Variants in EXOC4 observed in about 807,000 individuals in gnomAD.
EXOC4 encodes the protein SEC8-like 1.
In EXOC4, 71 loss-of-function variants were observed where a neutral mutation model predicts 107.2. That is an observed-to-expected ratio of 0.66 (90% CI 0.55 to 0.81). The LOEUF is 0.81. Ranked by LOEUF, EXOC4 falls within the 30% of genes least tolerant of loss-of-function variation. The pLI is 0.00. For missense variants in EXOC4, 1,108 were observed against 1,189.6 expected (o/e 0.93, Z 1.01); for synonymous variants, 456 against 441.2 (o/e 1.03, Z -0.42).
At chr7:133,941,821 T>TTCTCTCTCTCTCTATCTCTC (rs1800435639) in intron 14 of EXOC4, among the ~76,000 whole-genome samples, 1 of 129,544 alleles carries the variant, frequency 7.7e-6, no homozygotes, top group Non-Finnish European at 1.7e-5. Context: ...TGCTTACAGA[T>TTCTCTCTCTCTCTATCTCTC]TCTCTCTCTC....
chr7:133,266,152 C>T (rs1793726654), intron 1 of EXOC4, among the ~76,000 whole-genome samples: 1 of 152,212 alleles, frequency 6.6e-6, no homozygotes, highest in East Asian at 1.9e-4. Context: ...AAGCCTCTCA[C>T]TCTGCTTGTA....
At chr7:133,855,332 G>GGT (rs2116294426) in intron 11 of EXOC4, among the ~76,000 whole-genome samples, 1 of 150,956 alleles carries the variant, frequency 6.6e-6, no homozygotes, top group Admixed American at 6.6e-5. Flanking sequence ...TTCCACAGCA[G>GGT]ATTTCAACTG....
intron 17 of EXOC4, 194 bp downstream of exon 17, chr7:134,008,029 A>T (rs142819445): frequency 5.6e-6 from 3 of 537,994 alleles, no homozygotes; most frequent in South Asian, 3.2e-5. Context: ...ACTTTGGCAG[A>T]TAGTTTTTCC....
At chr7:133,620,080 C>T (rs1042994952) in intron 9 of EXOC4, among the ~76,000 whole-genome samples, 13 of 151,640 alleles carry the variant, frequency 8.6e-5, no homozygotes, top group African/African-American at 2.9e-4. Flanking sequence ...TGGAGTGCAG[C>T]GGCCTAATCT....
intron 13 of EXOC4, among the ~76,000 whole-genome samples, chr7:133,924,627 T>G (rs1176031499): frequency 1.3e-5 from 2 of 152,238 alleles, no homozygotes; most frequent in African/African-American, 4.8e-5. Context: ...AAGTGTAATC[T>G]TAAGTGTATA....
chr7:133,816,979 T>G (rs1797386403), intron 10 of EXOC4, among the ~76,000 whole-genome samples: 1 of 152,220 alleles, frequency 6.6e-6, no homozygotes, highest in South Asian at 2.1e-4. Flanking sequence ...AAATATGTAC[T>G]CTTCGGGGAT....
rs548709187 is a variant in EXOC4 at position 134,019,063 on chromosome 7, G to T, written c.2687+11228G>T. Among the ~76,000 whole-genome samples, 5 of 152,090 alleles carry T rather than the reference G, an allele frequency of 3.3e-5. No individual in the cohort carries two copies. The South Asian group carries it at 1.0e-3, about 32-fold the overall frequency. On this transcript the variant is annotated intron_variant, in intron 17 of 17. Coordinates refer to ENST00000253861, the MANE Select transcript of EXOC4 (RefSeq NM_021807.4). ...TCCTGCCTCAGCCTCCTGAGTAGCT[G>T]GGATTAAAGGCACGCGCCACTACAC...
the EXOC4 span, among the ~76,000 whole-genome samples, chr7:134,073,230 A>AAAAAAAAAAAAAAAAAC: frequency 3.3e-4 from 6 of 18,428 alleles, no homozygotes; most frequent in African/African-American, 1.3e-3. Context: ...AAAAAAAAAA[A>AAAAAAAAAAAAAAAAAC]AACAACAAAG....
chr7:133,537,812 TTCAAATATATCAGTGC>T (rs1468746264), intron 9 of EXOC4, among the ~76,000 whole-genome samples: 12 of 152,228 alleles, frequency 7.9e-5, no homozygotes. Flanking sequence ...TATTCCATTT[TTCAAATATATCAGTGC>T]TCAAGTGTCA....
At chr7:134,079,806 A>G in the EXOC4 span, among the ~76,000 whole-genome samples, 2 of 152,184 alleles carry the variant, frequency 1.3e-5, no homozygotes, top group East Asian at 3.9e-4. Flanking sequence ...GGAAACTTCA[A>G]TGCAAATTTG....
At chr7:133,671,244 G>A (rs1462243582) in intron 10 of EXOC4, among the ~76,000 whole-genome samples, 3 of 150,372 alleles carry the variant, frequency 2.0e-5, no homozygotes, top group Non-Finnish European at 4.5e-5. Context: ...CTAGAGGGCT[G>A]TCATAATCTG....
rs187960735 is a variant in EXOC4 at position 133,972,166 on chromosome 7, A to G, written c.2207-25326A>G. Among the ~76,000 whole-genome samples the G allele has an allele frequency of 3.8e-3, 579 of 152,378 alleles. 6 individuals carry two copies. Among genetic ancestry groups the G allele is most frequent in the Non-Finnish European group, 5.3e-3 (362 of 68,038 alleles). On this transcript the variant is annotated intron_variant, in intron 14 of 17. Transcript: ENST00000253861. ...ATGTAAAAACTGAAGTATAAAAGGT[A>G]TGAACCATCTTTAACCAATGAGAGA...
chr7:133,645,985 A>C (rs1197714733), intron 10 of EXOC4, among the ~76,000 whole-genome samples: 1 of 152,124 alleles, frequency 6.6e-6, no homozygotes, highest in Non-Finnish European at 1.5e-5. Flanking sequence ...ATAGTCTGTA[A>C]ACTCCTTAAG....
At chr7:133,744,168 T>C (rs1795627086) in intron 10 of EXOC4, among the ~76,000 whole-genome samples, 1 of 152,018 alleles carries the variant, frequency 6.6e-6, no homozygotes, top group Admixed American at 6.6e-5. Flanking sequence ...AATTAGATCT[T>C]GTTAAATGTT....
At chr7:134,025,886 A>C (rs1431776799) in intron 17 of EXOC4, among the ~76,000 whole-genome samples, 1 of 152,190 alleles carries the variant, frequency 6.6e-6, no homozygotes, top group Non-Finnish European at 1.5e-5. Context: ...GATTTAATGT[A>C]GGAGAGGACT....
At chr7:133,504,187 C>T (rs1799626899) in intron 9 of EXOC4, among the ~76,000 whole-genome samples, 1 of 151,892 alleles carries the variant, frequency 6.6e-6, no homozygotes, top group South Asian at 2.1e-4. Flanking sequence ...TATTTAAATG[C>T]TTAGTAACAT....
chr7:133,398,533 T>C (rs1460589454), intron 7 of EXOC4, among the ~76,000 whole-genome samples: 2 of 152,220 alleles, frequency 1.3e-5, no homozygotes, highest in Non-Finnish European at 2.9e-5. Context: ...CTTTATTCAG[T>C]TGTATTGAAT....
chr7:133,859,358 T>C lies in EXOC4; in HGVS notation c.1735-36241T>C, dbSNP rs187117639. Among the ~76,000 whole-genome samples, 4 of 152,272 alleles carry C rather than the reference T, an allele frequency of 2.6e-5. No individual in the cohort carries two copies. The East Asian group carries it at 5.8e-4, about 22-fold the overall frequency. On this transcript the variant is annotated intron_variant, in intron 11 of 17. Transcript: ENST00000253861. ...ATGACAACCATCTAAAGACGAATTA[T>C]CTCCTTGCAAAGTTAATTTCTGTTT...
rs532407295 is a variant in EXOC4 at position 133,997,512 on chromosome 7, A to G, written c.2227A>G (p.Ser743Gly). 2.5e-5 allele frequency: 41 copies of G among 1,613,708 alleles called. No individual in the cohort carries two copies. The highest frequency in any genetic ancestry group is 3.3e-5 in the South Asian group (3 of 91,072). ...TSQMLSPAQD[S>G]HTNTDLPPVS... ...TTCAGTGCTTTCTCCTGCTCAAGAC[A>G]GCCACACGAACACGGATCTCCCCCC... is the stretch of plus-strand genomic sequence containing the variant. The change falls in exon 15 of 18, where the codon AGC (serine) becomes GGC (glycine). Residue 743 changes from serine to glycine, a missense_variant. Physicochemically the swap from Ser to Gly is moderately conservative, Grantham distance 56. Transcript: ENST00000253861.
Sources: gnomAD v4.1 joint callset for allele counts (sites outside exome capture counted in the v4.1 genomes callset) on GRCh38, gnomAD v4.1.1 for gene constraint, MANE v1.5 for transcripts, NCBI Gene and HGNC (gene_info 2026-07-23, HGNC 2026-07-21) for gene names.